ZNF718: variants seen among roughly 807,000 people sequenced by gnomAD.
ZNF718 encodes zinc finger protein 718.
In ZNF718, 3 loss-of-function variants were observed where a neutral mutation model predicts 2.6. The ratio of observed to expected loss-of-function variants is 1.16; its 90% CI spans 0.53 to 3.01. The LOEUF is 3.01. Among genes scored for constraint, ZNF718 ranks in the 30% most tolerant of loss-of-function variants. ZNF718 has a pLI of 0.03. For synonymous variants in ZNF718, 135 were observed against 77.9 expected (o/e 1.73, Z -3.86); for missense variants, 468 against 230.0 (o/e 2.03, Z -6.69).
chr4:192,740 G>A (rs1303234502), intron 3 of ZNF718, among the ~76,000 whole-genome samples: 1 of 152,162 alleles, frequency 6.6e-6, no homozygotes, highest in South Asian at 2.1e-4. Context: ...TCTTAGTCAC[G>A]GACTGCATCT....
intron 3 of ZNF718, among the ~76,000 whole-genome samples, chr4:189,025 A>G (rs1717628724): frequency 6.7e-6 from 1 of 150,036 alleles, no homozygotes; most frequent in Admixed American, 6.6e-5. Flanking sequence ...ATTGAAAATA[A>G]TTTACTTTGA....
intron 3 of ZNF718, among the ~76,000 whole-genome samples, chr4:136,035 T>C (rs1204283777): frequency 6.6e-6 from 1 of 152,088 alleles, no homozygotes; most frequent in Non-Finnish European, 1.5e-5. Context: ...CTCCTGCTGA[T>C]GAGATTACCT....
intron 3 of ZNF718, among the ~76,000 whole-genome samples, chr4:169,955 C>A (rs1717183369): frequency 6.6e-6 from 1 of 152,056 alleles, no homozygotes; most frequent in Admixed American, 6.6e-5. Context: ...ATGGTCTTTA[C>A]AATTTGGCAT....
At position 124,635 on chromosome 4, in the gene ZNF718, G is replaced by C. The variant is rs1553807588; in HGVS notation, c.-36G>C. ...GTGACCTGCCGGTATTGGATGATTC[G>C]TATCTAAGACTCTGGGACACTCCTG... On this transcript the variant is annotated 5_prime_UTR_variant, in exon 1 of 4. Coordinates refer to ENST00000510175, the MANE Select transcript of ZNF718 (RefSeq NM_001039127.6). 1.9e-6 allele frequency: 3 copies of C among 1,605,996 alleles called. No individual in the cohort carries two copies. The highest frequency in any genetic ancestry group is 1.7e-6 in the Non-Finnish European group (2 of 1,179,346).
intron 3 of ZNF718, among the ~76,000 whole-genome samples, chr4:142,786 G>C (rs1318780352): frequency 1.4e-4 from 21 of 152,176 alleles, no homozygotes; most frequent in Non-Finnish European, 5.9e-5. Context: ...GAAATTCAGT[G>C]GTAGGGGATT....
Position 130,617 on chromosome 4 carries a change from C to T in ZNF718, c.4-171C>T, listed in dbSNP as rs1715326455. ...ATTAGCCAGGCATGGTGGCGGGTGC[C>T]TGTAATCCCAGCTATTCGGGAGGCT... is the stretch of plus-strand genomic sequence containing the variant. On this transcript the variant is annotated intron_variant, in intron 1 of 3. Transcript: ENST00000510175. Among the ~76,000 whole-genome samples, 2 of 102,228 alleles carry T rather than the reference C, an allele frequency of 2.0e-5. 1 individual carries two copies. Among genetic ancestry groups the T allele is most frequent in the Admixed American group, 2.1e-4 (2 of 9,458 alleles). The allele number at this position is 102,228 out of a possible 152,430, so 67.1% of individuals were successfully genotyped here. A position where few individuals can be genotyped will look rare whatever the true frequency, so the allele number is the denominator to read the frequency against.
intron 3 of ZNF718, among the ~76,000 whole-genome samples, chr4:134,394 C>T (rs1158062925): frequency 3.3e-5 from 5 of 152,156 alleles, no homozygotes; most frequent in South Asian, 2.1e-4. Flanking sequence ...CTGCCCACCT[C>T]GGCCTCCCAA....
intron 3 of ZNF718, among the ~76,000 whole-genome samples, chr4:136,112 T>C (rs1424005184): frequency 1.3e-5 from 2 of 152,158 alleles, no homozygotes; most frequent in African/African-American, 4.8e-5. Context: ...CCTGGAAAGA[T>C]TAAATTTCCT....
intron 3 of ZNF718, among the ~76,000 whole-genome samples, chr4:193,524 TG>T (rs1480908258): frequency 2.6e-5 from 4 of 151,748 alleles, no homozygotes; most frequent in Admixed American, 6.6e-5. Context: ...AAGAAAGGAG[TG>T]GGGCTTTCAG....
intron 3 of ZNF718, among the ~76,000 whole-genome samples, chr4:193,757 A>C (rs1453554989): frequency 6.6e-6 from 1 of 152,126 alleles, no homozygotes; most frequent in African/African-American, 2.4e-5. Flanking sequence ...GGGCCCAGTG[A>C]GGGTGATGGC....
intron 3 of ZNF718, among the ~76,000 whole-genome samples, chr4:134,240 G>T (rs572970765): frequency 6.6e-6 from 1 of 152,176 alleles, no homozygotes; most frequent in South Asian, 2.1e-4. Flanking sequence ...TCTGCCTCCC[G>T]GGTTCACACC....
intron 3 of ZNF718, among the ~76,000 whole-genome samples, chr4:133,041 G>T (rs1715384177): frequency 1.0e-5 from 1 of 95,920 alleles, no homozygotes; most frequent in African/African-American, 3.6e-5. Context: ...GCCTGGCATG[G>T]TTGTGCGCAC....
chr4:160,873 C>T, intron 3 of ZNF718, 39 bp from the exon 4 acceptor site: 1 of 718,018 alleles, frequency 1.4e-6, no homozygotes, highest in Non-Finnish European at 2.5e-6. Context: ...TTATATGAAT[C>T]TAGTAAGTGG....
Position 161,114 on chromosome 4 carries a change from TCAATC to T in ZNF718, c.430_434del (p.Gln144Ter). The T allele has an allele frequency of 1.3e-6, 1 of 764,376 alleles. No homozygotes were observed. Among genetic ancestry groups the T allele is most frequent in the Non-Finnish European group, 2.4e-6 (1 of 409,012 alleles). 47.3% of individuals were successfully genotyped at this position (764,376 alleles called of 1,614,324 possible). ...TATTAACTACCCAGAAAAAAACAATTCAATCTAATATATGTGTCAAAGTTTTTCAT... is the reference window on the plus strand; with the variant it reads ...TATTAACTACCCAGAAAAAAACAATTTAATATATGTGTCAAAGTTTTTCAT... On this transcript the variant is annotated frameshift_variant, in exon 4 of 4. Transcript: ENST00000510175. LOFTEE classifies it low-confidence loss of function (END_TRUNC).
intron 3 of ZNF718, among the ~76,000 whole-genome samples, chr4:197,553 GA>G (rs1355000661): frequency 2.0e-5 from 3 of 152,198 alleles, no homozygotes; most frequent in East Asian, 3.9e-4. Flanking sequence ...CCCTGGGGTG[GA>G]AAACTCAAGG....
At chr4:126,646 CTG>C (rs1244102911) in intron 1 of ZNF718, among the ~76,000 whole-genome samples, 2 of 150,046 alleles carry the variant, frequency 1.3e-5, no homozygotes, top group East Asian at 2.0e-4. Flanking sequence ...AAATAATAAA[CTG>C]TGTAAATGGT....
At chr4:200,570 T>TTTTTG (rs1464452487) in intron 3 of ZNF718, among the ~76,000 whole-genome samples, 2 of 152,188 alleles carry the variant, frequency 1.3e-5, no homozygotes, top group Admixed American at 6.5e-5. Flanking sequence ...CCTGGCTGGT[T>TTTTTG]TTTTGTTTTG....
intron 1 of ZNF718, 151 bp downstream of exon 1, chr4:124,824 C>A: frequency 2.0e-6 from 2 of 1,023,146 alleles, no homozygotes; most frequent in Non-Finnish European, 2.8e-6. Context: ...TCTTGTCAGT[C>A]CCCGTACAGC....
At chr4:137,351 C>T (rs1004333553) in intron 3 of ZNF718, among the ~76,000 whole-genome samples, 2 of 152,062 alleles carry the variant, frequency 1.3e-5, no homozygotes, top group Admixed American at 6.6e-5. Flanking sequence ...GTCAGATATA[C>T]TTTGCATATT....
Sources: gnomAD v4.1 joint callset for allele counts (sites outside exome capture counted in the v4.1 genomes callset) on GRCh38, gnomAD v4.1.1 for gene constraint, MANE v1.5 for transcripts, NCBI Gene and HGNC (gene_info 2026-07-23, HGNC 2026-07-21) for gene names.